POM121: variants seen among roughly 807,000 people sequenced by gnomAD.
POM121 encodes POM121 transmembrane nucleoporin.
A neutral mutation model predicts 81.3 loss-of-function variants in POM121; 32 were observed. The observed-to-expected ratio is 0.39, with a 90% CI of 0.30 to 0.53. POM121 has a LOEUF of 0.53. POM121 is among the 20% of genes least tolerant of loss of function. The probability of loss-of-function intolerance (pLI) is 0.66; values close to 1 mark genes in which losing one functional copy is unlikely to be tolerated. For synonymous variants in POM121, 514 were observed against 694.2 expected, an observed-to-expected ratio of 0.74 and a Z score of 4.08; for missense variants, 1,138 against 1,614.6, an observed-to-expected ratio of 0.70 and a Z score of 5.06.
At chr7:72,938,525 T>C in intron 5 of POM121, 65 bp from the exon 6 acceptor site, 2 of 1,505,746 alleles carry the variant, frequency 1.3e-6, no homozygotes, top group Non-Finnish European at 1.8e-6. Context: ...AAAAGAGACT[T>C]TGTCGTGTTG....
intron 4 of POM121, among the ~76,000 whole-genome samples, chr7:72,917,488 C>T (rs1474823282): frequency 6.6e-6 from 1 of 152,082 alleles, no homozygotes; most frequent in Non-Finnish European, 1.5e-5. Context: ...TCTGCTTTCC[C>T]AGAGGAATTC....
intron 3 of POM121, among the ~76,000 whole-genome samples, chr7:72,902,255 C>CTTTTTTTTTTTTTT (rs1210238081): frequency 2.4e-5 from 3 of 126,612 alleles, no homozygotes; most frequent in Non-Finnish European, 5.1e-5. Flanking sequence ...CTTTTTCTTT[C>CTTTTTTTTTTTTTT]TTTTTTTTTT....
At chr7:72,890,558 A>G in intron 1 of POM121, 1 of 1,557,216 alleles carries the variant, frequency 6.4e-7, no homozygotes, top group Admixed American at 1.7e-5. Context: ...TTCACCAGTG[A>G]GCTTTGTAAA....
intron 4 of POM121, among the ~76,000 whole-genome samples, chr7:72,914,116 T>G (rs537025031): frequency 1.0e-3 from 154 of 152,336 alleles, no homozygotes; most frequent in Non-Finnish European, 2.0e-3. Flanking sequence ...ATGCTTGCCC[T>G]TAGAAGTAAG....
intron 3 of POM121, among the ~76,000 whole-genome samples, chr7:72,904,345 C>T (rs537912729): frequency 1.2e-4 from 19 of 152,324 alleles, no homozygotes; most frequent in African/African-American, 4.3e-4. Context: ...TCTAGTTTGC[C>T]TCAACTGTAA....
At chr7:72,881,095 G>C (rs1267194657) in intron 1 of POM121, among the ~76,000 whole-genome samples, 17 of 121,070 alleles carry the variant, frequency 1.4e-4, no homozygotes, top group African/African-American at 4.9e-4. Flanking sequence ...TTTTGAGACA[G>C]TGTCTCTCAC....
intron 4 of POM121, chr7:72,913,945 ACTT>A (rs2129576538): frequency 6.6e-6 from 1 of 152,242 alleles, no homozygotes; most frequent in East Asian, 1.9e-4. Context: ...TGACCGTGTC[ACTT>A]CTTCCATCGC....
At chr7:72,900,111 G>A (rs1444404251) in intron 3 of POM121, among the ~76,000 whole-genome samples, 1 of 152,160 alleles carries the variant, frequency 6.6e-6, no homozygotes, top group Non-Finnish European at 1.5e-5. Flanking sequence ...AGCTCACTAG[G>A]TGCTTCTGAT....
intron 3 of POM121, among the ~76,000 whole-genome samples, chr7:72,900,465 T>A (rs1466303502): frequency 1.3e-5 from 2 of 152,146 alleles, no homozygotes; most frequent in African/African-American, 4.8e-5. Flanking sequence ...TTTTAAATGT[T>A]TCTATTTTAA....
intron 4 of POM121, among the ~76,000 whole-genome samples, chr7:72,919,639 T>C (rs782710676): frequency 1.1e-4 from 16 of 152,114 alleles, no homozygotes; most frequent in Admixed American, 5.9e-4. Flanking sequence ...TGTGCCACTA[T>C]GCTTGGCTAT....
At position 72,925,193 on chromosome 7, in the gene POM121, G is replaced by A; in HGVS notation, c.72G>A (p.Arg24=). 2 of 1,503,938 alleles carry A rather than the reference G, an allele frequency of 1.3e-6. No individual in the cohort carries two copies. The highest frequency in any genetic ancestry group is 2.6e-5 in the East Asian group (1 of 39,208). 93.2% of individuals were successfully genotyped at this position (1,503,938 alleles called of 1,614,324 possible). A position where few individuals can be genotyped will look rare whatever the true frequency, so the allele number is the denominator to read the frequency against. The change falls in exon 1 of 13, where the codon CGG becomes CGA. Residue 24 remains arginine (R), a synonymous_variant. Transcript: ENST00000434423. ...RRPIASVRDG[R]GRGCGGPARA... ...CCATAGCGAGTGTCAGGGACGGCCG[G>A]GGCCGGGGCTGCGGCGGGCCGGCCA...
At chr7:72,920,156 T>C (rs1554495745), upstream of POM121, among the ~76,000 whole-genome samples, 1 of 152,182 alleles carries the variant, frequency 6.6e-6, no homozygotes, top group Non-Finnish European at 1.5e-5. Context: ...ATGTGGGATA[T>C]AGTTAAAATT....
At chr7:72,893,838 C>T (rs1455060892) in intron 3 of POM121, among the ~76,000 whole-genome samples, 5 of 152,124 alleles carry the variant, frequency 3.3e-5, no homozygotes, top group African/African-American at 9.7e-5. Flanking sequence ...CCCACTCCTT[C>T]GATGAAACTC....
At chr7:72,879,558 G>A (rs1789922922) in exon 1 of POM121, 1 of 271,708 alleles carries the variant, frequency 3.7e-6, no homozygotes, top group Admixed American at 6.0e-5. Context: ...CGTGAACCCC[G>A]GAGCCAGCGG....
chr7:72,907,769 C>T (rs1358904012), intron 3 of POM121, among the ~76,000 whole-genome samples: 1 of 152,200 alleles, frequency 6.6e-6, no homozygotes, highest in Non-Finnish European at 1.5e-5. Context: ...CCTTAGCCTC[C>T]CAAAGTGCTG....
chr7:72,918,172 C>T (rs1316678101), intron 4 of POM121, among the ~76,000 whole-genome samples: 4 of 152,176 alleles, frequency 2.6e-5, no homozygotes, highest in African/African-American at 4.8e-5. Context: ...CAGATAACTG[C>T]GGGCAAGCCT....
upstream of POM121, among the ~76,000 whole-genome samples, chr7:72,920,135 GC>G: frequency 6.6e-6 from 1 of 152,118 alleles, no homozygotes; most frequent in East Asian, 1.9e-4. Context: ...CTATGTCTCA[GC>G]TTTGTAAACA....
chr7:72,924,987 G>C (rs1563153443), upstream of POM121: 1 of 1,319,684 alleles, frequency 7.6e-7, no homozygotes. Context: ...TTCCAAACCA[G>C]TTGGGTCTCG....
chr7:72,884,960 A>AT (rs1379646005), intron 1 of POM121, among the ~76,000 whole-genome samples: 1 of 151,990 alleles, frequency 6.6e-6, no homozygotes, highest in Non-Finnish European at 1.5e-5. Flanking sequence ...AGTTTTGCCA[A>AT]TTTTCCAATA....
Sources: gnomAD v4.1 joint callset for allele counts (sites outside exome capture counted in the v4.1 genomes callset) on GRCh38, gnomAD v4.1.1 for gene constraint, MANE v1.5 for transcripts, NCBI Gene and HGNC (gene_info 2026-07-23, HGNC 2026-07-21) for gene names.